HERC4: variants seen among roughly 807,000 people sequenced by gnomAD.
HERC4 encodes the protein probable E3 ubiquitin-protein ligase HERC4.
Under a neutral mutation model 124.3 loss-of-function variants are expected in HERC4, and 28 were observed. The observed-to-expected ratio is 0.23, with a 90% CI of 0.17 to 0.31. The LOEUF (loss-of-function observed/expected upper bound fraction) is 0.31, where lower values mean the gene tolerates loss of function less well. Ranked by LOEUF, HERC4 falls within the 10% of genes least tolerant of loss-of-function variation. The pLI, the probability that HERC4 is intolerant of heterozygous loss-of-function variation, is 1.00. For missense variants in HERC4, 713 were observed against 1,229.3 expected, an observed-to-expected ratio of 0.58 and a Z score of 6.28; for synonymous variants, 407 against 421.5, an observed-to-expected ratio of 0.97 and a Z score of 0.42.
intron 9 of HERC4, among the ~76,000 whole-genome samples, chr10:68,004,057 T>C (rs757339649): frequency 2.6e-5 from 4 of 152,236 alleles, no homozygotes; most frequent in African/African-American, 4.8e-5. Flanking sequence ...CAGAGTGAGA[T>C]AATACCTCAT....
intron 17 of HERC4, 130 bp downstream of exon 17, chr10:67,956,748 G>C (rs1315738655): frequency 2.0e-6 from 1 of 488,382 alleles, no homozygotes; most frequent in African/African-American, 1.9e-5. Flanking sequence ...ACATGCAGCA[G>C]TCTTCTTTAT....
chr10:67,945,044 GATA>G, intron 19 of HERC4, among the ~76,000 whole-genome samples: 2 of 152,272 alleles, frequency 1.3e-5, no homozygotes. Context: ...TGTTCAAAGA[GATA>G]ATAACAGTGA....
chr10:67,934,756 T>A (rs990115020), intron 22 of HERC4, among the ~76,000 whole-genome samples: 2 of 152,220 alleles, frequency 1.3e-5, no homozygotes. Flanking sequence ...TGTCTGATGT[T>A]ACTGATTCTT....
At chr10:67,926,486 A>AT (rs1272145474) in intron 23 of HERC4, among the ~76,000 whole-genome samples, 1 of 152,096 alleles carries the variant, frequency 6.6e-6, no homozygotes, top group East Asian at 1.9e-4. Context: ...GAAATAGTTT[A>AT]TACTGTGAAC....
intron 21 of HERC4, among the ~76,000 whole-genome samples, chr10:67,938,460 AAAAG>A (rs1589134221): frequency 6.7e-6 from 1 of 149,562 alleles, no homozygotes; most frequent in East Asian, 1.9e-4. Context: ...AAAAAAAAAG[AAAAG>A]AAAAGGGAAA....
At chr10:67,934,893 C>T (rs1412248779) in intron 22 of HERC4, among the ~76,000 whole-genome samples, 2 of 146,288 alleles carry the variant, frequency 1.4e-5, no homozygotes, top group South Asian at 2.1e-4. Context: ...AGATGTCATT[C>T]GTTTCTGGGA....
intron 15 of HERC4, among the ~76,000 whole-genome samples, chr10:67,980,292 C>A (rs2035852818): frequency 6.6e-6 from 1 of 152,022 alleles, no homozygotes; most frequent in Non-Finnish European, 1.5e-5. Context: ...CGCCACCATG[C>A]CTGGCTAATT....
At chr10:67,953,967 C>T (rs2033978872) in intron 19 of HERC4, among the ~76,000 whole-genome samples, 2 of 152,150 alleles carry the variant, frequency 1.3e-5, no homozygotes, top group South Asian at 2.1e-4. Context: ...CAACCAATAG[C>T]TATTCTATCT....
intron 3 of HERC4, among the ~76,000 whole-genome samples, chr10:68,053,253 G>A (rs181096668): frequency 5.2e-4 from 79 of 151,530 alleles, no homozygotes; most frequent in African/African-American, 1.8e-3. Flanking sequence ...ACATAATCTC[G>A]TTTTAGGGAT....
intron 15 of HERC4, among the ~76,000 whole-genome samples, chr10:67,970,545 T>C (rs1431777413): frequency 6.6e-6 from 1 of 151,504 alleles, no homozygotes; most frequent in Admixed American, 6.6e-5. Flanking sequence ...TGAGCTGAGA[T>C]TGCACCACTG....
At chr10:67,925,676 T>C (rs1260612167) in intron 23 of HERC4, among the ~76,000 whole-genome samples, 7 of 152,118 alleles carry the variant, frequency 4.6e-5, no homozygotes, top group Non-Finnish European at 8.8e-5. Flanking sequence ...AAGGATACTG[T>C]GAATATGAGG....
At chr10:68,002,263 T>TA (rs1437947364) in intron 9 of HERC4, among the ~76,000 whole-genome samples, 1 of 152,042 alleles carries the variant, frequency 6.6e-6, no homozygotes, top group South Asian at 2.1e-4. Context: ...TGTGAATAGA[T>TA]AAAATCTATT....
intron 19 of HERC4, among the ~76,000 whole-genome samples, chr10:67,951,082 G>A (rs532526804): frequency 1.9e-4 from 29 of 152,280 alleles, no homozygotes; most frequent in African/African-American, 4.8e-4. Flanking sequence ...ACCAGCCAAG[G>A]TGAGATAGAA....
At chr10:68,005,906 C>T (rs1029595033) in intron 9 of HERC4, among the ~76,000 whole-genome samples, 2 of 152,010 alleles carry the variant, frequency 1.3e-5, no homozygotes, top group African/African-American at 2.4e-5. Context: ...CACTATGTTG[C>T]CTAGGCTGAT....
intron 3 of HERC4, among the ~76,000 whole-genome samples, chr10:68,062,632 T>C (rs929905265): frequency 6.7e-6 from 1 of 149,964 alleles, no homozygotes; most frequent in African/African-American, 2.4e-5. Context: ...TGGTGGTGGG[T>C]GCCTGTAATC....
At chr10:68,018,993 CT>C (rs35817479) in intron 8 of HERC4, among the ~76,000 whole-genome samples, 35,598 of 87,970 alleles carry the variant, frequency 0.4, 6,183 homozygotes, top group East Asian at 0.76. Context: ...AGCATTCTTT[CT>C]TTTTTTTTTT....
intron 8 of HERC4, among the ~76,000 whole-genome samples, chr10:68,021,961 A>G (rs573325106): frequency 6.6e-6 from 1 of 151,648 alleles, no homozygotes; most frequent in Non-Finnish European, 1.5e-5. Flanking sequence ...GAGGATACAA[A>G]ATCTACACAC....
chr10:67,976,344 T>G, intron 15 of HERC4, among the ~76,000 whole-genome samples: 1 of 152,204 alleles, frequency 6.6e-6, no homozygotes, highest in South Asian at 2.1e-4. Flanking sequence ...TACAAACTAA[T>G]TTTTAATCAC....
chr10:67,931,983 A>T lies in HERC4; in HGVS notation c.2838+614T>A, dbSNP rs565147896. ...TACTTATTTTTTGTTTTTGAGACAGAGCCTTGCTCTGCTGCCCAGGGTGGA... is the reference window on the plus strand; with the variant it reads ...TACTTATTTTTTGTTTTTGAGACAGTGCCTTGCTCTGCTGCCCAGGGTGGA... On this transcript the variant is annotated intron_variant, in intron 23 of 24. Coordinates refer to ENST00000373700, the MANE Select transcript of HERC4 (RefSeq NM_015601.4). Among the ~76,000 whole-genome samples, 362 of 152,046 alleles carry T rather than the reference A, an allele frequency of 2.4e-3. 12 individuals are homozygous for T. Among genetic ancestry groups the T allele is most frequent in the Non-Finnish European group, 7.2e-4 (49 of 68,006 alleles).
Sources: gnomAD v4.1 joint callset for allele counts (sites outside exome capture counted in the v4.1 genomes callset) on GRCh38, gnomAD v4.1.1 for gene constraint, MANE v1.5 for transcripts, NCBI Gene and HGNC (gene_info 2026-07-23, HGNC 2026-07-21) for gene names.